Variants in VCF1 observed in about 807,000 individuals in gnomAD.
VCF1 encodes VCP nuclear cofactor family member 1.
At chr17:73,222,663 G>C in the VCF1 span, among the ~76,000 whole-genome samples, 1 of 151,884 alleles carries the variant, frequency 6.6e-6, no homozygotes, top group East Asian at 1.9e-4. Flanking sequence ...TGTAATCCCA[G>C]CTACTCAGGA....
chr17:73,221,761 C>T, the VCF1 span, among the ~76,000 whole-genome samples: 5 of 151,900 alleles, frequency 3.3e-5, no homozygotes, highest in East Asian at 7.7e-4. Context: ...GTGGGCCGGG[C>T]GCGGTGGCTC....
chr17:73,224,823 A>G, the VCF1 span, among the ~76,000 whole-genome samples: 1 of 130,052 alleles, frequency 7.7e-6, no homozygotes, highest in Non-Finnish European at 1.6e-5. Context: ...AGCACAGCGC[A>G]GCACAGCACA....
chr17:73,214,027 C>T, the VCF1 span, among the ~76,000 whole-genome samples: 1 of 152,168 alleles, frequency 6.6e-6, no homozygotes, highest in Non-Finnish European at 1.5e-5. Flanking sequence ...TTACATTTAA[C>T]TTCAAAATGG....
At chr17:73,208,252 G>A in the VCF1 span, 1 of 1,610,140 alleles carries the variant, frequency 6.2e-7, no homozygotes, top group Non-Finnish European at 8.5e-7. Context: ...GTCGCGCGGA[G>A]GGCGAGTGGG....
At chr17:73,229,579 G>A in the VCF1 span, 3 of 985,160 alleles carry the variant, frequency 3.0e-6, no homozygotes, top group South Asian at 9.4e-5. Flanking sequence ...AATCTTAAGA[G>A]TATGGGCTGG....
At chr17:73,222,234 A>G in the VCF1 span, among the ~76,000 whole-genome samples, 125 of 151,696 alleles carry the variant, frequency 8.2e-4, no homozygotes, top group African/African-American at 2.9e-3. Context: ...AAATACTTCA[A>G]CTTAAAAAAA....
At chr17:73,207,954 GCAAAAAC>G in the VCF1 span, 1 of 1,211,512 alleles carries the variant, frequency 8.3e-7, no homozygotes, top group Admixed American at 3.8e-5. Context: ...AAAAGCTCTT[GCAAAAAC>G]CATCCAGTCC....
chr17:73,207,546 C>A, the VCF1 span: 1 of 629,738 alleles, frequency 1.6e-6, no homozygotes, highest in Non-Finnish European at 2.7e-6. Flanking sequence ...AAAGAGTTAA[C>A]TGCCAACCCG....
chr17:73,208,551 G>C, the VCF1 span: 1 of 1,400,114 alleles, frequency 7.1e-7, no homozygotes. Flanking sequence ...AATCTTTCCA[G>C]TTTCACTGAT....
At chr17:73,217,254 G>A in the VCF1 span, among the ~76,000 whole-genome samples, 2 of 152,124 alleles carry the variant, frequency 1.3e-5, no homozygotes, top group Non-Finnish European at 2.9e-5. Flanking sequence ...TTGGGAGGCT[G>A]AGGCAGGAGA....
the VCF1 span, chr17:73,209,650 T>C: frequency 6.4e-7 from 1 of 1,555,268 alleles, no homozygotes; most frequent in Non-Finnish European, 8.7e-7. Context: ...CTGAGGCGTG[T>C]TAGGGCTGGA....
chr17:73,216,016 G>A, the VCF1 span, among the ~76,000 whole-genome samples: 1 of 152,150 alleles, frequency 6.6e-6, no homozygotes, highest in Non-Finnish European at 1.5e-5. Context: ...AGAGGTGATG[G>A]CTAGATTATC....
the VCF1 span, among the ~76,000 whole-genome samples, chr17:73,217,929 GC>G: frequency 2.6e-5 from 4 of 152,144 alleles, no homozygotes; most frequent in African/African-American, 4.8e-5. Context: ...CTGAGATCAC[GC>G]CACTGCACTC....
chr17:73,212,564 T>C, the VCF1 span: 3 of 735,104 alleles, frequency 4.1e-6, no homozygotes, highest in Non-Finnish European at 6.3e-6. Context: ...AAAACAAAAA[T>C]TGTATTCTAC....
the VCF1 span, among the ~76,000 whole-genome samples, chr17:73,217,506 TG>T: frequency 3.9e-3 from 593 of 150,492 alleles, 6 homozygotes; most frequent in African/African-American, 0.014. Context: ...AAAAATTAGC[TG>T]GGCGTGGTGG....
the VCF1 span, chr17:73,208,349 G>A: frequency 3.1e-5 from 50 of 1,613,994 alleles, no homozygotes; most frequent in Non-Finnish European, 3.9e-5. Context: ...CTGGTGACCC[G>A]ACAGTTCCTG....
the VCF1 span, among the ~76,000 whole-genome samples, chr17:73,224,945 C>G: frequency 4.3e-4 from 47 of 110,282 alleles, 2 homozygotes; most frequent in Admixed American, 1.3e-3. Flanking sequence ...CACAGCACAG[C>G]ACAGCACAGG....
chr17:73,219,732 G>A, the VCF1 span, among the ~76,000 whole-genome samples: 2 of 152,106 alleles, frequency 1.3e-5, no homozygotes, highest in African/African-American at 4.8e-5. Flanking sequence ...TAGCACTTTG[G>A]AAGGCCGAGG....
chr17:73,227,033 A>G, the VCF1 span: 1 of 641,684 alleles, frequency 1.6e-6, no homozygotes, highest in Non-Finnish European at 2.5e-6. Flanking sequence ...ATTTGGAAAC[A>G]GAAAGGTTAA....
Sources: allele counts gnomAD v4.1 joint callset (sites outside exome capture counted in the v4.1 genomes callset), GRCh38; gene constraint gnomAD v4.1.1; transcripts MANE v1.5; gene names NCBI Gene and HGNC (gene_info 2026-07-23, HGNC 2026-07-21).